RLIM: variants seen among roughly 807,000 people sequenced by gnomAD.
RLIM encodes the protein E3 ubiquitin-protein ligase RLIM.
Under a neutral mutation model 34.0 loss-of-function variants are expected in RLIM, and 2 were observed. The observed-to-expected ratio is 0.06, with a 90% CI of 0.02 to 0.19. RLIM has a LOEUF of 0.19. Among genes scored for constraint, RLIM ranks in the 10% least tolerant of loss-of-function variants. The probability of loss-of-function intolerance (pLI) is 1.00; values close to 1 mark genes in which losing one functional copy is unlikely to be tolerated. For missense variants in RLIM, 286 were observed against 479.7 expected, an observed-to-expected ratio of 0.60 and a Z score of 3.77; for synonymous variants, 169 against 164.0, an observed-to-expected ratio of 1.03 and a Z score of -0.23.
chrX:74,597,929 T>C (rs1411115731), intron 1 of RLIM, among the ~76,000 whole-genome samples: 1 of 112,284 alleles, frequency 8.9e-6, no homozygotes, highest in Non-Finnish European at 1.9e-5. Flanking sequence ...TCAATTACTA[T>C]TATCAAACAA....
intron 1 of RLIM, among the ~76,000 whole-genome samples, chrX:74,599,355 G>A (rs772483537): frequency 2.7e-5 from 3 of 111,654 alleles, no homozygotes; most frequent in Non-Finnish European, 5.6e-5. Context: ...AATACAGGGA[G>A]ACTACAAACA....
At chrX:74,599,980 C>T (rs2079654586) in intron 1 of RLIM, among the ~76,000 whole-genome samples, 1 of 110,846 alleles carries the variant, frequency 9.0e-6, no homozygotes, top group Non-Finnish European at 1.9e-5. Context: ...CAAACCTTGC[C>T]TGCTTGCTAA....
intron 1 of RLIM, among the ~76,000 whole-genome samples, chrX:74,605,525 G>A (rs2079678866): frequency 8.9e-6 from 1 of 111,892 alleles, no homozygotes; most frequent in South Asian, 3.7e-4. Context: ...AGCTTAAGTA[G>A]CAAGAGGAAA....
rs775567458 is a variant in RLIM at position 74,583,840 on chromosome X, G to A, written c.*7600C>T. Among the ~76,000 whole-genome samples, 11 of 111,403 alleles carry A rather than the reference G, an allele frequency of 9.9e-5. No individual in the cohort carries two copies. Among genetic ancestry groups the A allele is most frequent in the Non-Finnish European group, 1.3e-4 (7 of 53,054 alleles). On this transcript the variant is annotated 3_prime_UTR_variant, in exon 4 of 4. Coordinates refer to ENST00000332687, the MANE Select transcript of RLIM (RefSeq NM_016120.4). ...AGACGGGCAGATCATGGGATCAGGG[G>A]TTCAAGACCAGCCTGGCCAACATGG...
At chrX:74,598,899 T>C (rs944631873) in intron 1 of RLIM, among the ~76,000 whole-genome samples, 3 of 111,868 alleles carry the variant, frequency 2.7e-5, no homozygotes, top group Non-Finnish European at 5.6e-5. Flanking sequence ...TTTTCAAAGA[T>C]TAAATATTTA....
At chrX:74,601,180 AAG>A (rs936817872) in intron 1 of RLIM, among the ~76,000 whole-genome samples, 1 of 112,154 alleles carries the variant, frequency 8.9e-6, no homozygotes, top group African/African-American at 3.2e-5. Context: ...CAGAAGACGG[AAG>A]AGTCACTCAA....
intron 1 of RLIM, among the ~76,000 whole-genome samples, chrX:74,600,353 TCAAGTAATA>T (rs2079656202): frequency 9.1e-6 from 1 of 110,418 alleles, no homozygotes; most frequent in African/African-American, 3.3e-5. Flanking sequence ...CACATGAATC[TCAAGTAATA>T]CAACTTGGTA....
rs1477181729 is a variant in RLIM at position 74,587,893 on chromosome X, T to G, written c.*3547A>C. 8.9e-6 allele frequency: 1 copy of G among 112,268 alleles called. No individual in the cohort carries two copies. Among genetic ancestry groups the G allele is most frequent in the Non-Finnish European group, 1.9e-5 (1 of 53,285 alleles). The allele number at this position is 112,268 out of a possible 1,213,427, so 9.3% of individuals were successfully genotyped here. On this transcript the variant is annotated 3_prime_UTR_variant, in exon 4 of 4. Transcript: ENST00000332687. ...CCAATCAGTTTCCTAATCTTAAGGT[T>G]TGGATGAATTCCAATCGTTTTTAAA...
intron 1 of RLIM, among the ~76,000 whole-genome samples, chrX:74,600,252 C>T (rs953405038): frequency 9.1e-6 from 1 of 109,751 alleles, no homozygotes; most frequent in African/African-American, 3.3e-5. Context: ...AAATCACCAG[C>T]TTAAATAAAA....
chrX:74,609,486 T>TA (rs1569313792), intron 1 of RLIM, among the ~76,000 whole-genome samples: 15 of 16,506 alleles, frequency 9.1e-4, no homozygotes, highest in African/African-American at 3.7e-3. Flanking sequence ...AGACTCCGTT[T>TA]CAAAAAAAAA....
chrX:74,591,041 C>A lies in RLIM; in HGVS notation c.*399G>T. On this transcript the variant is annotated 3_prime_UTR_variant, in exon 4 of 4. Coordinates refer to ENST00000332687, the MANE Select transcript of RLIM (RefSeq NM_016120.4). The stretch of plus-strand genomic sequence containing the variant: ...GCTTTAATCACTTATGAAACACATA[C>A]TGTAACTTAGTCTAAACTGGTAATT... 1 of 147,405 alleles carries A rather than the reference C, an allele frequency of 6.8e-6. No individual in the cohort carries two copies. Among genetic ancestry groups the A allele is most frequent in the Non-Finnish European group, 1.3e-5 (1 of 74,360 alleles). 12.1% of individuals were successfully genotyped at this position (147,405 alleles called of 1,213,427 possible). A position where few individuals can be genotyped will look rare whatever the true frequency, so the allele number is the denominator to read the frequency against.
At chrX:74,611,350 C>T (rs1323843688) in intron 1 of RLIM, among the ~76,000 whole-genome samples, 2 of 111,931 alleles carry the variant, frequency 1.8e-5, no homozygotes, top group African/African-American at 6.5e-5. Context: ...CTCATTTGAC[C>T]TACTACTATA....
chrX:74,598,199 T>G (rs997588404), intron 1 of RLIM, among the ~76,000 whole-genome samples: 1 of 112,151 alleles, frequency 8.9e-6, no homozygotes, highest in Non-Finnish European at 1.9e-5. Flanking sequence ...CAGAACTGTT[T>G]TGCAGACCCC....
intron 1 of RLIM, among the ~76,000 whole-genome samples, 155 bp downstream of exon 1, chrX:74,614,267 C>A (rs1228007794): frequency 8.9e-6 from 1 of 111,941 alleles, no homozygotes; most frequent in Non-Finnish European, 1.9e-5. Flanking sequence ...CGCCACGGAG[C>A]CCCCCGCAGC....
chrX:74,594,011 G>A (rs958930935), intron 3 of RLIM, among the ~76,000 whole-genome samples: 13 of 111,629 alleles, frequency 1.2e-4, no homozygotes, highest in Non-Finnish European at 2.3e-4. Context: ...TTATAAAGAA[G>A]GAATTAAGTA....
intron 1 of RLIM, among the ~76,000 whole-genome samples, chrX:74,602,286 A>G (rs1490041467): frequency 8.9e-6 from 1 of 111,760 alleles, no homozygotes; most frequent in Non-Finnish European, 1.9e-5. Context: ...GGCAATTCAC[A>G]TGAAAGATAC....
chrX:74,594,771 T>C (rs2079632690), intron 2 of RLIM, among the ~76,000 whole-genome samples: 1 of 108,760 alleles, frequency 9.2e-6, no homozygotes, highest in Admixed American at 9.9e-5. Flanking sequence ...TGGTGGCAGG[T>C]GCCTGTAATC....
Position 74,590,107 on chromosome X carries a change from TCAAAAA to T in RLIM, c.*1327_*1332del, listed in dbSNP as rs1436922663. ...GCACTGGTACCTTAAATGACAAATC[TCAAAAA>T]CAACACAAATTCGAGACTTTCCTAT... On this transcript the variant is annotated 3_prime_UTR_variant, in exon 4 of 4. Transcript: ENST00000332687. 8.9e-6 allele frequency: 1 copy of T among 112,109 alleles called. No individual in the cohort carries two copies. Among genetic ancestry groups the T allele is most frequent in the East Asian group, 2.8e-4 (1 of 3,580 alleles). 9.2% of individuals were successfully genotyped at this position (112,109 alleles called of 1,213,427 possible).
Position 74,583,401 on chromosome X carries a change from A to C in RLIM, c.*8039T>G, listed in dbSNP as rs1286857687. The C allele has an allele frequency of 1.1e-5, 8 of 735,800 alleles. No individual in the cohort carries two copies. The highest frequency in any genetic ancestry group is 1.3e-5 in the Non-Finnish European group (6 of 459,888). 60.6% of individuals were successfully genotyped at this position (735,800 alleles called of 1,213,427 possible). On this transcript the variant is annotated 3_prime_UTR_variant, in exon 4 of 4. Coordinates refer to ENST00000332687, the MANE Select transcript of RLIM (RefSeq NM_016120.4). ...TTGTACATGAATAGCAGGCTGTTGC[A>C]CTGTAACTTGTGGCTGTGCATTAAG...
Sources: allele counts gnomAD v4.1 joint callset (sites outside exome capture counted in the v4.1 genomes callset), GRCh38; gene constraint gnomAD v4.1.1; transcripts MANE v1.5; gene names NCBI Gene and HGNC (gene_info 2026-07-23, HGNC 2026-07-21).